The following GRM8 variants were observed in gnomAD, a reference collection of about 807,000 sequenced individuals.
The protein encoded by GRM8 is metabotropic glutamate receptor 8.
A neutral mutation model predicts 87.2 loss-of-function variants in GRM8; 47 were observed. The ratio of observed to expected loss-of-function variants is 0.54; its 90% confidence interval spans 0.43 to 0.69. The LOEUF (loss-of-function observed/expected upper bound fraction) is 0.69. Ranked by LOEUF, GRM8 falls within the 30% of genes least tolerant of loss-of-function variation. The pLI is 0.00. For synonymous variants in GRM8, 396 were observed against 404.5 expected (o/e 0.98, Z 0.25); for missense variants, 1,019 against 1,139.2 (o/e 0.89, Z 1.52).
chr7:127,015,125 GAGA>G (rs2132149178), intron 3 of GRM8, among the ~76,000 whole-genome samples: 1 of 133,486 alleles, frequency 7.5e-6, no homozygotes, highest in East Asian at 2.4e-4. Flanking sequence ...GGAGAAGAAG[GAGA>G]AGGAGAAGGA....
Position 127,123,341 on chromosome 7 carries a change from G to C in GRM8, c.511-16629C>G, listed in dbSNP as rs779964807. Among the ~76,000 whole-genome samples, 112 of 152,260 alleles carry C rather than the reference G, an allele frequency of 7.4e-4. 1 individual carries two copies. Among genetic ancestry groups the C allele is most frequent in the Admixed American group, 5.8e-3 (88 of 15,290 alleles). On this transcript the variant is annotated intron_variant, in intron 2 of 10. Coordinates refer to ENST00000339582, the MANE Select transcript of GRM8 (RefSeq NM_000845.3). ...AGGTGGGGCATAATGGGCGGTGTTT[G>C]GGTCCTGGGGGGAATCCTTCCTGAA...
intron 2 of GRM8, among the ~76,000 whole-genome samples, chr7:127,222,563 T>C (rs939928485): frequency 6.6e-6 from 1 of 152,230 alleles, no homozygotes; most frequent in African/African-American, 2.4e-5. Context: ...TATTTAACTA[T>C]GACTTGTTTA....
chr7:127,230,470 A>C (rs1056236232), intron 2 of GRM8, among the ~76,000 whole-genome samples: 1 of 152,098 alleles, frequency 6.6e-6, no homozygotes, highest in Non-Finnish European at 1.5e-5. Flanking sequence ...CTCAGTTTGC[A>C]CACTCCTATC....
intron 3 of GRM8, among the ~76,000 whole-genome samples, chr7:126,972,647 G>A (rs1367520516): frequency 1.3e-5 from 2 of 152,158 alleles, no homozygotes; most frequent in Admixed American, 1.3e-4. Context: ...GAAGGATATT[G>A]TCAGTTCATC....
intron 3 of GRM8, among the ~76,000 whole-genome samples, chr7:127,060,594 G>A (rs1330073394): frequency 6.6e-6 from 1 of 152,054 alleles, no homozygotes; most frequent in African/African-American, 2.4e-5. Context: ...GCTGAAAATA[G>A]GAACCCAATG....
intron 3 of GRM8, among the ~76,000 whole-genome samples, chr7:126,921,472 T>C (rs1217385042): frequency 6.6e-6 from 1 of 151,956 alleles, no homozygotes; most frequent in African/African-American, 2.4e-5. Flanking sequence ...AACTTTTGGA[T>C]TGAAAATAGT....
At position 127,232,183 on chromosome 7, in the gene GRM8, T is replaced by TTGTGTGTGTG. The variant is rs71529431; in HGVS notation, c.510+10502_510+10511dup. Among the ~76,000 whole-genome samples, 639 of 129,742 alleles carry TTGTGTGTGTG rather than the reference T, an allele frequency of 4.9e-3. 1 individual carries two copies. Among genetic ancestry groups the TTGTGTGTGTG allele is most frequent in the African/African-American group, 0.013 (410 of 32,190 alleles). The allele number at this position is 129,742 out of a possible 152,430, so 85.1% of individuals were successfully genotyped here. A position where few individuals can be genotyped will look rare whatever the true frequency, so the allele number is the denominator to read the frequency against. ...ACCTGCCATCAGTTCTGTTTCTTCT[T>TTGTGTGTGTG]TGTGTGTGTGTGTGTGTGTGTGTGT... On this transcript the variant is annotated intron_variant, in intron 2 of 10. Coordinates refer to ENST00000339582, the MANE Select transcript of GRM8 (RefSeq NM_000845.3).
intron 3 of GRM8, among the ~76,000 whole-genome samples, chr7:127,072,418 T>C (rs1242047336): frequency 2.0e-5 from 3 of 152,192 alleles, no homozygotes; most frequent in South Asian, 2.1e-4. Context: ...TAAAATATGA[T>C]CTTCAGCCTG....
Position 126,562,422 on chromosome 7 carries a change from A to C in GRM8, c.1495-28535T>G, listed in dbSNP as rs77579710. Among the ~76,000 whole-genome samples, 542 of 152,296 alleles carry C rather than the reference A, an allele frequency of 3.6e-3. 4 individuals carry two copies. Among genetic ancestry groups the C allele is most frequent in the African/African-American group, 0.012 (507 of 41,552 alleles). ...CCCAGTTAGTTTTTGAGTCTTAATT[A>C]ACAAGGGAGTCCTGGGATCAGGAAT... On this transcript the variant is annotated intron_variant, in intron 8 of 10. Transcript: ENST00000339582.
At chr7:126,839,394 A>C (rs2130556566) in intron 6 of GRM8, among the ~76,000 whole-genome samples, 1 of 152,316 alleles carries the variant, frequency 6.6e-6, no homozygotes, top group East Asian at 1.9e-4. Flanking sequence ...ATGAATATTG[A>C]GAAGCAGTGC....
chr7:127,223,312 T>TG (rs1797057625), intron 2 of GRM8, among the ~76,000 whole-genome samples: 3 of 151,318 alleles, frequency 2.0e-5, no homozygotes, highest in Admixed American at 2.0e-4. Context: ...CAAAAACAAA[T>TG]AAGCAAAAAA....
chr7:127,050,511 G>T (rs1819359178), intron 3 of GRM8, among the ~76,000 whole-genome samples: 1 of 152,138 alleles, frequency 6.6e-6, no homozygotes, highest in South Asian at 2.1e-4. Flanking sequence ...TTTACTGAAG[G>T]TATAAATGGA....
chr7:126,700,769 C>A (rs953603965), intron 7 of GRM8, among the ~76,000 whole-genome samples: 2 of 152,084 alleles, frequency 1.3e-5, no homozygotes, highest in Admixed American at 6.6e-5. Flanking sequence ...TACCTTAGCA[C>A]TCAGATGTGT....
At position 127,106,725 on chromosome 7, in the gene GRM8, T is replaced by C. The variant is rs566831586; in HGVS notation, c.511-13A>G. The C allele has an allele frequency of 1.3e-6, 2 of 1,556,576 alleles. No individual in the cohort carries two copies. The highest frequency in any genetic ancestry group is 2.2e-5 in the East Asian group (1 of 44,586). On this transcript the variant is annotated splice_polypyrimidine_tract_variant and intron_variant, in intron 2 of 10. Transcript: ENST00000339582. ...TGATTTGAGGTATCTGCAAAACAAA[T>C]GATGGGTCATTTCAACCCATGACGA...
At chr7:127,207,699 C>A (rs1450507013) in intron 2 of GRM8, among the ~76,000 whole-genome samples, 1 of 152,158 alleles carries the variant, frequency 6.6e-6, no homozygotes, top group East Asian at 1.9e-4. Flanking sequence ...TTCCTGGCCA[C>A]GGTGCGATGG....
intron 6 of GRM8, among the ~76,000 whole-genome samples, chr7:126,847,484 T>C (rs1367696346): frequency 6.6e-6 from 1 of 152,156 alleles, no homozygotes; most frequent in East Asian, 1.9e-4. Context: ...ATCATCCCTG[T>C]TCCACTCAGC....
Position 126,533,819 on chromosome 7 carries a change from C to G in GRM8, c.1563G>C (p.Lys521Asn), listed in dbSNP as rs568673004. The G allele has an allele frequency of 4.3e-6, 7 of 1,614,002 alleles. No individual in the cohort carries two copies. Among genetic ancestry groups the G allele is most frequent in the Non-Finnish European group, 5.9e-6 (7 of 1,179,986 alleles). ...HPASVCSLPC[K>N]PGERKKTVKG... ...TCACCGTTTTCTTCCTCTCCCCTGG[C>G]TTACACGGCAGGCTGCAGACAGACG... Residue 521 changes from lysine (K) to asparagine (N), a missense_variant, in exon 9 of 11, where the codon AAG (lysine) becomes AAC (asparagine). Coordinates refer to ENST00000339582, the MANE Select transcript of GRM8 (RefSeq NM_000845.3).
At chr7:126,717,047 T>C (rs1195420335) in intron 7 of GRM8, among the ~76,000 whole-genome samples, 1 of 152,200 alleles carries the variant, frequency 6.6e-6, no homozygotes, top group Non-Finnish European at 1.5e-5. Context: ...GGGAGTAAGA[T>C]CATTTGCCTG....
At chr7:126,501,402 C>T (rs1809624495) in intron 9 of GRM8, among the ~76,000 whole-genome samples, 1 of 151,962 alleles carries the variant, frequency 6.6e-6, no homozygotes, top group African/African-American at 2.4e-5. Flanking sequence ...ACATATCAGA[C>T]TACTCATATG....
Sources: allele counts gnomAD v4.1 joint callset (sites outside exome capture counted in the v4.1 genomes callset), GRCh38; gene constraint gnomAD v4.1.1; transcripts MANE v1.5; gene names NCBI Gene and HGNC (gene_info 2026-07-23, HGNC 2026-07-21).